The following PHLPP1 variants were observed in gnomAD, a reference collection of about 807,000 sequenced individuals.
PHLPP1 encodes the protein PH domain leucine-rich repeat-containing protein phosphatase 1.
PHLPP1 carries 42 observed loss-of-function variants against 117.2 expected under a neutral mutation model. The observed-to-expected ratio is 0.36, with a 90% CI of 0.28 to 0.46. The LOEUF (loss-of-function observed/expected upper bound fraction) is 0.46. PHLPP1 is among the 20% of genes least tolerant of loss of function. The probability of loss-of-function intolerance (pLI) is 1.00; values close to 1 mark genes in which losing one functional copy is unlikely to be tolerated. For missense variants in PHLPP1, 2,084 were observed against 2,241.9 expected, an observed-to-expected ratio of 0.93 and a Z score of 1.42; for synonymous variants, 1,042 against 970.7, an observed-to-expected ratio of 1.07 and a Z score of -1.37.
At chr18:62,879,954 C>A (rs181058462) in intron 4 of PHLPP1, among the ~76,000 whole-genome samples, 279 of 152,094 alleles carry the variant, frequency 1.8e-3, no homozygotes, top group African/African-American at 6.6e-3. Context: ...CTTTTGTAAA[C>A]ACTCATGGTA....
At chr18:62,744,053 T>C (rs1426690317) in intron 1 of PHLPP1, among the ~76,000 whole-genome samples, 1 of 152,242 alleles carries the variant, frequency 6.6e-6, no homozygotes, top group East Asian at 1.9e-4. Context: ...AGGTGTGTTT[T>C]GTTTGGTAGG....
chr18:62,721,234 GAA>G (rs1225230614), intron 1 of PHLPP1, among the ~76,000 whole-genome samples: 1 of 152,156 alleles, frequency 6.6e-6, no homozygotes, highest in Non-Finnish European at 1.5e-5. Flanking sequence ...AGACAGTATG[GAA>G]AGAGTACTGA....
intron 3 of PHLPP1, among the ~76,000 whole-genome samples, chr18:62,852,253 A>G (rs557195377): frequency 1.0e-3 from 155 of 152,326 alleles, no homozygotes; most frequent in Non-Finnish European, 1.4e-3. Flanking sequence ...AGATTCTGAA[A>G]TTCCAGGTAG....
chr18:62,810,817 CGTT>C (rs1484394596), intron 1 of PHLPP1, among the ~76,000 whole-genome samples: 3 of 152,082 alleles, frequency 2.0e-5, no homozygotes, highest in African/African-American at 7.2e-5. Context: ...AAAATAAAAA[CGTT>C]GTAAAACCAA....
At chr18:62,759,175 T>C (rs1912129742) in intron 1 of PHLPP1, among the ~76,000 whole-genome samples, 2 of 152,206 alleles carry the variant, frequency 1.3e-5, no homozygotes, top group East Asian at 3.8e-4. Flanking sequence ...TGCATGCCTA[T>C]AATGGTATGG....
intron 4 of PHLPP1, among the ~76,000 whole-genome samples, chr18:62,876,288 T>C (rs1398406948): frequency 6.6e-6 from 1 of 152,212 alleles, no homozygotes; most frequent in Non-Finnish European, 1.5e-5. Flanking sequence ...GCCACTCATC[T>C]TGCAAGAATG....
At chr18:62,817,097 A>G (rs1168721751) in intron 1 of PHLPP1, among the ~76,000 whole-genome samples, 1 of 152,122 alleles carries the variant, frequency 6.6e-6, no homozygotes, top group East Asian at 1.9e-4. Context: ...GCACGCCACC[A>G]CACCCAGCTA....
At chr18:62,872,665 C>T (rs1185419692) in intron 4 of PHLPP1, among the ~76,000 whole-genome samples, 3 of 150,818 alleles carry the variant, frequency 2.0e-5, no homozygotes. Flanking sequence ...GGACTCTAGC[C>T]TGGGGGACAG....
intron 10 of PHLPP1, among the ~76,000 whole-genome samples, chr18:62,934,581 T>C (rs1389980458): frequency 2.6e-5 from 4 of 152,166 alleles, no homozygotes; most frequent in Admixed American, 1.3e-4. Flanking sequence ...AGATAAGGGA[T>C]ATACGGTTTG....
chr18:62,841,633 A>G (rs1915053545), intron 3 of PHLPP1, among the ~76,000 whole-genome samples: 1 of 151,898 alleles, frequency 6.6e-6, no homozygotes, highest in Non-Finnish European at 1.5e-5. Context: ...CACCTGGCTT[A>G]CTTTTCTGTG....
At position 62,941,331 on chromosome 18, in the gene PHLPP1, C is replaced by T. The variant is rs147905422; in HGVS notation, c.2961-387C>T. Among the ~76,000 whole-genome samples the T allele has an allele frequency of 2.1e-3, 322 of 152,302 alleles. 2 individuals carry two copies. The highest frequency in any genetic ancestry group is 7.4e-3 in the African/African-American group (306 of 41,566). On this transcript the variant is annotated intron_variant, in intron 10 of 16. Coordinates refer to ENST00000262719, the MANE Select transcript of PHLPP1 (RefSeq NM_194449.4). ...TGTTGCCCAGGCTGGTCTCAAACTC[C>T]TGGCATCCTCCTGCTTTAGCAAAAA...
At chr18:62,788,087 A>G (rs1386313089) in intron 1 of PHLPP1, among the ~76,000 whole-genome samples, 2 of 152,224 alleles carry the variant, frequency 1.3e-5, no homozygotes, top group Admixed American at 1.3e-4. Flanking sequence ...ACATCAATGA[A>G]GACGTTATGC....
At chr18:62,718,321 A>G (rs748205946) in intron 1 of PHLPP1, among the ~76,000 whole-genome samples, 9 of 152,234 alleles carry the variant, frequency 5.9e-5, no homozygotes, top group Non-Finnish European at 1.2e-4. Context: ...GTGATGGTGG[A>G]AAATAATCAT....
In PHLPP1 at chr18:62,930,420, T is replaced by TG. The variant is rs1227790333; in HGVS notation, c.2960+10307dup. Among the ~76,000 whole-genome samples, 3 of 152,080 alleles carry TG rather than the reference T, an allele frequency of 2.0e-5. No individual in the cohort carries two copies. The East Asian group carries it at 5.8e-4, about 29-fold the overall frequency. On this transcript the variant is annotated intron_variant, in intron 10 of 16. Transcript: ENST00000262719. ...AAATAGAAAACAAAAGAGTAGGAGT[T>TG]GCTATTCTTGTATCAGATAAAACAG...
chr18:62,850,860 C>G (rs1004264433), intron 3 of PHLPP1, among the ~76,000 whole-genome samples: 1 of 152,164 alleles, frequency 6.6e-6, no homozygotes, highest in Non-Finnish European at 1.5e-5. Flanking sequence ...TGGACAAATG[C>G]AGCAGAAGTG....
Position 62,890,124 on chromosome 18 carries a change from A to G in PHLPP1, c.2067-4887A>G, listed in dbSNP as rs564110601. Among the ~76,000 whole-genome samples, 5 of 152,154 alleles carry G rather than the reference A, an allele frequency of 3.3e-5. No homozygotes were observed. In the South Asian group the frequency reaches 1.0e-3, roughly 32 times the overall value. ...GTTTTCTCATTTAGCTGATGCAGAG[A>G]ATGGTTGTATCTCTTTCTCTTTATA... On this transcript the variant is annotated intron_variant, in intron 4 of 16. Transcript: ENST00000262719.
intron 4 of PHLPP1, among the ~76,000 whole-genome samples, chr18:62,866,529 G>A (rs956999834): frequency 6.6e-6 from 1 of 152,244 alleles, no homozygotes; most frequent in East Asian, 1.9e-4. Context: ...ACAGGCATGA[G>A]CCACCACGCC....
At chr18:62,932,833 G>A (rs1029760838) in intron 10 of PHLPP1, among the ~76,000 whole-genome samples, 19 of 152,078 alleles carry the variant, frequency 1.2e-4, no homozygotes, top group African/African-American at 2.4e-4. Context: ...TTATCCGTTC[G>A]TTGATGATAC....
intron 4 of PHLPP1, among the ~76,000 whole-genome samples, chr18:62,879,985 A>C (rs908156622): frequency 1.3e-5 from 2 of 150,850 alleles, no homozygotes; most frequent in Non-Finnish European, 3.0e-5. Context: ...CCACCCCCCA[A>C]TGCCGCCAGT....
Sources: gnomAD v4.1 joint callset for allele counts (sites outside exome capture counted in the v4.1 genomes callset) on GRCh38, gnomAD v4.1.1 for gene constraint, MANE v1.5 for transcripts, NCBI Gene and HGNC (gene_info 2026-07-23, HGNC 2026-07-21) for gene names.